The following HP1BP3 variants were observed in gnomAD, a reference collection of about 807,000 sequenced individuals.
HP1BP3 encodes the protein heterochromatin protein 1 binding protein 3.
A neutral mutation model predicts 62.5 loss-of-function variants in HP1BP3; 12 were observed. That is an observed-to-expected ratio of 0.19 (90% CI 0.12 to 0.31). The LOEUF is 0.31. HP1BP3 is among the 10% of genes least tolerant of loss of function. HP1BP3 has a pLI of 1.00. For synonymous variants in HP1BP3, 260 were observed against 237.8 expected (o/e 1.09, Z -0.86); for missense variants, 502 against 651.8 (o/e 0.77, Z 2.50).
chr1:20,754,445 T>A (rs34081829), intron 9 of HP1BP3, among the ~76,000 whole-genome samples: 4,221 of 149,742 alleles, frequency 0.028, 88 homozygotes, highest in Middle Eastern at 0.05. Flanking sequence ...AGGCAATTCC[T>A]ACCAAAACTC....
chr1:20,753,625 T>C (rs2154539905), intron 9 of HP1BP3, among the ~76,000 whole-genome samples: 1 of 152,352 alleles, frequency 6.6e-6, no homozygotes, highest in Non-Finnish European at 1.5e-5. Context: ...AAAATACCTA[T>C]TCAAAGTTCA....
At chr1:20,755,354 C>A in intron 9 of HP1BP3, 1 of 453,890 alleles carries the variant, frequency 2.2e-6, no homozygotes, top group Non-Finnish European at 4.4e-6. Flanking sequence ...GACTACTTCA[C>A]TGAACCCAGG....
intron 8 of HP1BP3, among the ~76,000 whole-genome samples, chr1:20,759,135 TC>T: frequency 6.6e-6 from 1 of 152,174 alleles, no homozygotes; most frequent in Non-Finnish European, 1.5e-5. Context: ...GCGAGGTGGC[TC>T]ACACCTGTAA....
At chr1:20,782,075 T>C (rs989119668) in intron 1 of HP1BP3, among the ~76,000 whole-genome samples, 1 of 152,224 alleles carries the variant, frequency 6.6e-6, no homozygotes, top group Non-Finnish European at 1.5e-5. Context: ...ACGATAACAC[T>C]AGCTAGGCTG....
rs2055595424 is a variant in HP1BP3 at position 20,749,737 on chromosome 1, T to C, written c.1127A>G (p.Asn376Ser). 2 of 1,610,000 alleles carry C rather than the reference T, an allele frequency of 1.2e-6. No individual in the cohort carries two copies. Among genetic ancestry groups the C allele is most frequent in the Non-Finnish European group, 1.7e-6 (2 of 1,178,658 alleles). ...CCGAGTCTTACTTTGATAGTTAGAA[T>C]TGGTTCCTGGGTGATTCTCTAGGAC... ...KYVLENHPGT[N>S]SNYQMHLLKK... The change falls in exon 10 of 13, where the codon AAT becomes AGT. Residue 376 changes from asparagine (N) to serine (S), a missense_variant. This residue lies in a region of HP1BP3 where 111 missense variants were observed against 242.0 expected (regional missense o/e 0.46). Coordinates refer to ENST00000438032, the MANE Select transcript of HP1BP3 (RefSeq NM_001372052.1).
chr1:20,778,378 G>A (rs1006248083), intron 3 of HP1BP3, among the ~76,000 whole-genome samples: 2 of 152,212 alleles, frequency 1.3e-5, no homozygotes, highest in South Asian at 2.1e-4. Context: ...ATAGAGAGAA[G>A]ATTAAACAAA....
intron 1 of HP1BP3, 29 bp from the exon 2 acceptor site, chr1:20,780,569 G>A: frequency 3.2e-6 from 2 of 632,032 alleles, no homozygotes; most frequent in Non-Finnish European, 2.9e-6. Flanking sequence ...CTGGTGTGAA[G>A]ATTAACAGAA....
At chr1:20,751,408 T>C (rs553600434) in intron 9 of HP1BP3, among the ~76,000 whole-genome samples, 3 of 151,788 alleles carry the variant, frequency 2.0e-5, no homozygotes, top group Non-Finnish European at 4.4e-5. Context: ...ATGAGGAAAA[T>C]AGCAGTGAAA....
intron 11 of HP1BP3, among the ~76,000 whole-genome samples, chr1:20,746,733 T>C (rs1030696613): frequency 2.0e-5 from 3 of 152,198 alleles, no homozygotes; most frequent in Admixed American, 6.6e-5. Flanking sequence ...CCCCACTTGG[T>C]ATTGGACAAT....
At chr1:20,781,644 T>G (rs893520850) in intron 1 of HP1BP3, among the ~76,000 whole-genome samples, 8 of 152,224 alleles carry the variant, frequency 5.3e-5, no homozygotes, top group African/African-American at 9.6e-5. Flanking sequence ...TTTCTTTTTT[T>G]GAGACGGAGT....
chr1:20,782,791 T>C (rs2057624890), intron 1 of HP1BP3, among the ~76,000 whole-genome samples: 1 of 150,308 alleles, frequency 6.7e-6, no homozygotes, highest in Non-Finnish European at 1.5e-5. Flanking sequence ...TCCCAGATAC[T>C]TGGGAGGCTG....
chr1:20,755,037 C>T (rs966837630), intron 9 of HP1BP3, among the ~76,000 whole-genome samples: 4 of 152,158 alleles, frequency 2.6e-5, no homozygotes, highest in Non-Finnish European at 4.4e-5. Context: ...TCTGATGAGA[C>T]TTTATGTCTA....
chr1:20,774,848 G>A (rs1478714217), intron 4 of HP1BP3: 3 of 152,244 alleles, frequency 2.0e-5, no homozygotes, highest in East Asian at 1.9e-4. Context: ...GCTAGGTGTG[G>A]AGGTGCACGC....
intron 9 of HP1BP3, among the ~76,000 whole-genome samples, chr1:20,756,929 C>T (rs566988001): frequency 6.6e-6 from 1 of 152,214 alleles, no homozygotes; most frequent in East Asian, 1.9e-4. Flanking sequence ...AGGCTGGTCT[C>T]GAACTCCCAA....
In HP1BP3 at chr1:20,744,947, C is replaced by T. The variant is rs144814158; in HGVS notation, c.1512G>A (p.Thr504=). The change falls in exon 13 of 13, where the codon ACG becomes ACA. Residue 504 remains threonine, a synonymous_variant. Transcript: ENST00000438032. ...ATGAGGGTCTGGTCTTCTTGGCAGG[C>T]GTTTTGGCCTTAGGAGGTGCTTTCT... ...LPKKAPPKAK[T]PAKKTRPSST... The T allele has an allele frequency of 2.2e-4, 356 of 1,613,964 alleles. No homozygotes were observed. Among genetic ancestry groups the T allele is most frequent in the Non-Finnish European group, 2.9e-4 (348 of 1,180,022 alleles).
chr1:20,745,465 T>C (rs1440852355), intron 12 of HP1BP3, 78 bp downstream of exon 12: 4 of 1,509,188 alleles, frequency 2.7e-6, no homozygotes, highest in Admixed American at 4.6e-5. Flanking sequence ...TTTTTAGCTT[T>C]AGCCCCTCCT....
chr1:20,771,760 G>T (rs1198772659), intron 5 of HP1BP3, among the ~76,000 whole-genome samples: 3 of 152,002 alleles, frequency 2.0e-5, no homozygotes, highest in Non-Finnish European at 4.4e-5. Context: ...TTTTCCAACT[G>T]GTCACTGACT....
At chr1:20,786,413 G>C (rs2057833365) in intron 1 of HP1BP3, 1 of 146,330 alleles carries the variant, frequency 6.8e-6, no homozygotes, top group Admixed American at 6.7e-5. Flanking sequence ...GGCAAGAGCA[G>C]CGGAGACAAA....
rs764934051 is a variant in HP1BP3, at chr1:20,749,790, G to C, written c.1074C>G (p.Thr358=). ...SAIAAMNEPK[T]CSTTALKKYV... ...ACTTCTTCAGAGCAGTGGTAGAGCA[G>C]GTCTTCGGCTCATTCATGGCAGCAA... Residue 358 remains threonine (T), a synonymous_variant, in exon 10 of 13, where the codon ACC becomes ACG. Coordinates refer to ENST00000438032, the MANE Select transcript of HP1BP3 (RefSeq NM_001372052.1). 1 of 1,613,984 alleles carries C rather than the reference G, an allele frequency of 6.2e-7. No individual in the cohort carries two copies. The highest frequency in any genetic ancestry group is 1.1e-5 in the South Asian group (1 of 91,080).
Sources: allele counts gnomAD v4.1 joint callset (sites outside exome capture counted in the v4.1 genomes callset), GRCh38; gene constraint gnomAD v4.1.1; regional missense constraint gnomAD v4.1.1; transcripts MANE v1.5; gene names NCBI Gene and HGNC (gene_info 2026-07-23, HGNC 2026-07-21).